NR3C2: variants seen among roughly 807,000 people sequenced by gnomAD.
NR3C2 encodes nuclear receptor subfamily 3 group C member 2.
In NR3C2, 15 loss-of-function variants were observed where a neutral mutation model predicts 86.4. That is an observed-to-expected ratio of 0.17 (90% confidence interval 0.12 to 0.27). The LOEUF (loss-of-function observed/expected upper bound fraction) is 0.27. Among genes scored for constraint, NR3C2 ranks in the 10% least tolerant of loss-of-function variants. NR3C2 has a pLI of 1.00. For missense variants in NR3C2, 960 were observed against 1,195.6 expected (o/e 0.80, Z 2.91); for synonymous variants, 458 against 450.5 (o/e 1.02, Z -0.21).
chr4:148,260,025 A>G lies in NR3C2; in HGVS notation c.1850T>C (p.Val617Ala), dbSNP rs373194830. ...AACTTTGCAGCTGCCACAGGTGACT[A>G]CCCCATAATGGCATCCTGAAGCCTC... The part of the protein sequence containing the change: ...GDEASGCHYG[V>A]VTCGSCKVFF... The change falls in exon 3 of 9, where the codon GTA becomes GCA. Residue 617 changes from valine to alanine, a missense_variant. Transcript: ENST00000358102. 3.2e-5 allele frequency: 52 copies of G among 1,614,022 alleles called. No homozygotes were observed. Among genetic ancestry groups the G allele is most frequent in the Non-Finnish European group, 2.4e-5 (28 of 1,180,024 alleles).
chr4:148,187,209 A>C (rs4835496), intron 4 of NR3C2, among the ~76,000 whole-genome samples: 111,825 of 151,218 alleles, frequency 0.74, 42,396 homozygotes, highest in African/African-American at 0.92. Flanking sequence ...ATAATGACTT[A>C]TTTTCCTCTG....
intron 7 of NR3C2, among the ~76,000 whole-genome samples, chr4:148,119,686 C>T (rs984065243): frequency 3.3e-5 from 5 of 150,758 alleles, no homozygotes; most frequent in African/African-American, 2.4e-5. Context: ...CTCGGGAGGC[C>T]GAGGCAGGAG....
At chr4:148,331,884 G>C (rs1206941671) in intron 2 of NR3C2, among the ~76,000 whole-genome samples, 1 of 152,150 alleles carries the variant, frequency 6.6e-6, no homozygotes, top group East Asian at 1.9e-4. Context: ...CTTCTTCACA[G>C]CTCCATCTCA....
intron 2 of NR3C2, among the ~76,000 whole-genome samples, chr4:148,387,843 G>A (rs1023747367): frequency 9.9e-5 from 15 of 152,150 alleles, no homozygotes; most frequent in Admixed American, 1.3e-4. Flanking sequence ...ACACAACTAC[G>A]AATGTCTTAA....
Position 148,288,946 on chromosome 4 carries a change from C to T in NR3C2, c.1758-28829G>A, listed in dbSNP as rs551770045. On this transcript the variant is annotated intron_variant, in intron 2 of 8. Coordinates refer to ENST00000358102, the MANE Select transcript of NR3C2 (RefSeq NM_000901.5). Reference sequence around the variant, plus strand: ...GAAAAGTACACCAGTTTAAGTATGCCCCATTCTTTAACAAGTTGATGCACA... The same window carrying T: ...GAAAAGTACACCAGTTTAAGTATGCTCCATTCTTTAACAAGTTGATGCACA... Among the ~76,000 whole-genome samples the T allele has an allele frequency of 9.9e-5, 15 of 151,988 alleles. No homozygotes were observed. The East Asian group carries it at 2.3e-3, about 24-fold the overall frequency.
At chr4:148,332,485 T>C (rs1194697002) in intron 2 of NR3C2, among the ~76,000 whole-genome samples, 2 of 152,240 alleles carry the variant, frequency 1.3e-5, no homozygotes, top group Non-Finnish European at 2.9e-5. Context: ...TTATCAAGTT[T>C]GGGAGAACAT....
At chr4:148,122,811 G>A (rs1732570019) in intron 6 of NR3C2, among the ~76,000 whole-genome samples, 1 of 152,158 alleles carries the variant, frequency 6.6e-6, no homozygotes, top group South Asian at 2.1e-4. Context: ...GAGGATGTAT[G>A]TCACCTCAGG....
At chr4:148,224,161 G>C (rs1408971995) in intron 3 of NR3C2, among the ~76,000 whole-genome samples, 3 of 151,570 alleles carry the variant, frequency 2.0e-5, no homozygotes. Context: ...AGAGGAAAAA[G>C]ACCAAACTAG....
intron 3 of NR3C2, among the ~76,000 whole-genome samples, chr4:148,250,033 G>A (rs1739500848): frequency 6.6e-6 from 1 of 152,120 alleles, no homozygotes; most frequent in African/African-American, 2.4e-5. Flanking sequence ...TAACATTCAA[G>A]GTTTTGCCTC....
At chr4:148,141,598 C>T (rs1165739174) in intron 6 of NR3C2, among the ~76,000 whole-genome samples, 1 of 152,118 alleles carries the variant, frequency 6.6e-6, no homozygotes, top group Non-Finnish European at 1.5e-5. Context: ...AAAAGAAGTA[C>T]TATAGAGCAG....
At chr4:148,343,413 C>A (rs928740288) in intron 2 of NR3C2, among the ~76,000 whole-genome samples, 1 of 151,794 alleles carries the variant, frequency 6.6e-6, no homozygotes, top group Non-Finnish European at 1.5e-5. Flanking sequence ...CCCCGACCCC[C>A]CCTTTTTTTT....
intron 2 of NR3C2, among the ~76,000 whole-genome samples, chr4:148,298,393 A>T (rs2149918161): frequency 6.6e-6 from 1 of 152,318 alleles, no homozygotes; most frequent in African/African-American, 2.4e-5. Flanking sequence ...AAGGCAGGGG[A>T]GGGGAACAAC....
intron 2 of NR3C2, among the ~76,000 whole-genome samples, chr4:148,303,286 C>T (rs1216301529): frequency 6.6e-6 from 1 of 152,158 alleles, no homozygotes; most frequent in Admixed American, 6.5e-5. Context: ...CCAACAATCT[C>T]CAGTTGCAGC....
intron 8 of NR3C2, among the ~76,000 whole-genome samples, chr4:148,086,412 T>C (rs1223912468): frequency 6.6e-6 from 1 of 152,102 alleles, no homozygotes; most frequent in Non-Finnish European, 1.5e-5. Flanking sequence ...GAAAAGGCCT[T>C]TGATAAAATT....
chr4:148,409,974 TAA>T (rs760478896), intron 2 of NR3C2, among the ~76,000 whole-genome samples: 1 of 152,176 alleles, frequency 6.6e-6, no homozygotes, highest in Non-Finnish European at 1.5e-5. Flanking sequence ...ATAATGTCTA[TAA>T]AGTCCTTTAA....
chr4:148,163,987 G>C (rs539510333), intron 4 of NR3C2, among the ~76,000 whole-genome samples: 8 of 152,258 alleles, frequency 5.3e-5, no homozygotes, highest in South Asian at 2.1e-4. Flanking sequence ...AAGGTCAAAG[G>C]GGGTGAGAAG....
At chr4:148,250,958 G>A (rs76379982) in intron 3 of NR3C2, among the ~76,000 whole-genome samples, 3 of 151,596 alleles carry the variant, frequency 2.0e-5, no homozygotes, top group South Asian at 4.2e-4. Context: ...CTTTTTTTTG[G>A]GGGGGAGTGG....
At chr4:148,312,081 C>T (rs199891935) in intron 2 of NR3C2, among the ~76,000 whole-genome samples, 73 of 151,562 alleles carry the variant, frequency 4.8e-4, no homozygotes, top group Admixed American at 3.5e-3. Context: ...TCACATTTTA[C>T]TTTGTTTATT....
intron 3 of NR3C2, among the ~76,000 whole-genome samples, chr4:148,241,429 T>C (rs9993590): frequency 1 from 123,244 of 123,244 alleles, 61,622 homozygotes; most frequent in Non-Finnish European, 1. Flanking sequence ...ATGGCACACT[T>C]ATTTTATCTC....
Sources: gnomAD v4.1 joint callset for allele counts (sites outside exome capture counted in the v4.1 genomes callset) on GRCh38, gnomAD v4.1.1 for gene constraint, MANE v1.5 for transcripts, NCBI Gene and HGNC (gene_info 2026-07-23, HGNC 2026-07-21) for gene names.